The following CNIH3 variants were observed in gnomAD, a reference collection of about 807,000 sequenced individuals.
The protein encoded by CNIH3 is protein cornichon homolog 3.
Under a neutral mutation model 24.1 loss-of-function variants are expected in CNIH3, and 14 were observed. That is an observed-to-expected ratio of 0.58 (90% CI 0.38 to 0.91). The LOEUF (loss-of-function observed/expected upper bound fraction) is 0.91, where lower values mean the gene tolerates loss of function less well. Among genes scored for constraint, CNIH3 ranks in the 40% least tolerant of loss-of-function variants. The probability of loss-of-function intolerance (pLI) is 0.00; values close to 1 mark genes in which losing one functional copy is unlikely to be tolerated. For missense variants in CNIH3, 178 were observed against 196.8 expected (o/e 0.90, Z 0.57); for synonymous variants, 68 against 73.8 (o/e 0.92, Z 0.40).
intron 1 of CNIH3, among the ~76,000 whole-genome samples, chr1:224,519,809 G>A (rs1054202707): frequency 6.6e-6 from 1 of 151,444 alleles, no homozygotes; most frequent in Non-Finnish European, 1.5e-5. Context: ...TGACTAACAC[G>A]GTAGCTACTA....
intron 1 of CNIH3, among the ~76,000 whole-genome samples, chr1:224,639,200 G>A (rs144716652): frequency 1.0e-3 from 156 of 152,330 alleles, no homozygotes; most frequent in African/African-American, 3.7e-3. Flanking sequence ...TCTTCCATAG[G>A]AAATTGGCAG....
intron 1 of CNIH3, among the ~76,000 whole-genome samples, chr1:224,460,140 C>T (rs1390285066): frequency 2.0e-5 from 3 of 152,096 alleles, no homozygotes; most frequent in African/African-American, 4.8e-5. Flanking sequence ...GATCCACCCA[C>T]GTCGGCCTCC....
intron 3 of CNIH3, among the ~76,000 whole-genome samples, chr1:224,697,423 G>C (rs567674014): frequency 2.4e-4 from 37 of 152,220 alleles, no homozygotes; most frequent in Non-Finnish European, 4.7e-4. Context: ...AGGTGGGGAG[G>C]CATTTTCACT....
chr1:224,612,088 T>G (rs74149624), upstream of CNIH3, among the ~76,000 whole-genome samples: 3,256 of 152,324 alleles, frequency 0.021, 104 homozygotes, highest in African/African-American at 0.072. This position sits in a 1 kb window ranked among gnomAD's most constrained non-coding sequence, Gnocchi z 4.7. Flanking sequence ...GATTCCATTT[T>G]TAAATTTGAA....
chr1:224,444,069 G>A (rs1226182322), intron 1 of CNIH3, among the ~76,000 whole-genome samples: 1 of 152,102 alleles, frequency 6.6e-6, no homozygotes, highest in East Asian at 1.9e-4. Context: ...ATCCAGCTAT[G>A]ATAGCTATCA....
chr1:224,646,051 C>A (rs1449113697), intron 1 of CNIH3, among the ~76,000 whole-genome samples: 6 of 152,182 alleles, frequency 3.9e-5, no homozygotes, highest in Non-Finnish European at 8.8e-5. Flanking sequence ...TCAGTCACAG[C>A]AAGCACATAA....
chr1:224,492,795 C>A (rs1208441324), intron 1 of CNIH3, among the ~76,000 whole-genome samples: 2 of 152,160 alleles, frequency 1.3e-5, no homozygotes, highest in African/African-American at 4.8e-5. Flanking sequence ...TGCTCAAAAG[C>A]CTGTGCTCCG....
At chr1:224,568,030 G>A (rs901930792) in intron 4 of CNIH3, among the ~76,000 whole-genome samples, 26 of 151,988 alleles carry the variant, frequency 1.7e-4, no homozygotes, top group Non-Finnish European at 8.8e-5. Flanking sequence ...GGTGGCTCAA[G>A]CCTGTAATCC....
intron 4 of CNIH3, among the ~76,000 whole-genome samples, chr1:224,581,255 G>GT (rs1681262973): frequency 1.3e-5 from 2 of 151,878 alleles, no homozygotes; most frequent in Admixed American, 1.3e-4. Context: ...CGGTTTTGAT[G>GT]GTTTTTTTGG....
At chr1:224,733,811 G>A (rs1244282994) in intron 4 of CNIH3, among the ~76,000 whole-genome samples, 1 of 152,070 alleles carries the variant, frequency 6.6e-6, no homozygotes, top group African/African-American at 2.4e-5. Flanking sequence ...CCAGGTCCCT[G>A]GGGGCAGTGT....
rs769276186 is a variant in CNIH3 at position 224,604,611 on chromosome 1, A to G, written n.402+38347A>G. ...CTGGAGCCAGGGATGGGGCTCCCAG[A>G]CTGTTTAGCTAGAGGAGAGCAGAAG... On this transcript the variant is annotated intron_variant and non_coding_transcript_variant, in intron 3 of 7. Transcript: ENST00000478120. This position sits in a 1 kb window ranked among gnomAD's most constrained non-coding sequence, Gnocchi z 4.4. Among the ~76,000 whole-genome samples, 3 of 152,170 alleles carry G rather than the reference A, an allele frequency of 2.0e-5. No individual in the cohort carries two copies. The highest frequency in any genetic ancestry group is 2.9e-5 in the Non-Finnish European group (2 of 68,030).
At chr1:224,550,137 A>G (rs1202777132) in intron 3 of CNIH3, among the ~76,000 whole-genome samples, 1 of 152,202 alleles carries the variant, frequency 6.6e-6, no homozygotes, top group African/African-American at 2.4e-5. Context: ...TAATATCACA[A>G]TGTACATGTA....
At chr1:224,558,917 A>T (rs1407342746) in intron 3 of CNIH3, among the ~76,000 whole-genome samples, 1 of 152,218 alleles carries the variant, frequency 6.6e-6, no homozygotes, top group East Asian at 1.9e-4. Context: ...GAACTAGTAA[A>T]ATAATTAATA....
At chr1:224,490,046 C>T (rs986966170) in intron 1 of CNIH3, among the ~76,000 whole-genome samples, 1 of 152,130 alleles carries the variant, frequency 6.6e-6, no homozygotes, top group Non-Finnish European at 1.5e-5. Context: ...GACAAGTAAG[C>T]AAGTTACTAT....
At chr1:224,469,515 T>C (rs928172067) in intron 1 of CNIH3, among the ~76,000 whole-genome samples, 6 of 152,220 alleles carry the variant, frequency 3.9e-5, no homozygotes, top group Non-Finnish European at 8.8e-5. Context: ...TTATTATTTA[T>C]TTGTTTTATA....
intron 2 of CNIH3, among the ~76,000 whole-genome samples, chr1:224,681,476 A>G (rs1303815320): frequency 6.6e-6 from 1 of 152,124 alleles, no homozygotes; most frequent in African/African-American, 2.4e-5. Context: ...ATCACCCAGA[A>G]AGCATTCATC....
At chr1:224,519,378 C>T (rs766909575) in intron 1 of CNIH3, among the ~76,000 whole-genome samples, 1 of 152,074 alleles carries the variant, frequency 6.6e-6, no homozygotes, top group Admixed American at 6.6e-5. Context: ...TCCCCTGGTT[C>T]TCAGGCCTTC....
intron 3 of CNIH3, among the ~76,000 whole-genome samples, chr1:224,550,878 G>A (rs1232908664): frequency 3.8e-5 from 4 of 104,436 alleles, no homozygotes; most frequent in South Asian, 2.9e-4. Flanking sequence ...AACAGGCCCC[G>A]GTGTGTGATG....
At chr1:224,736,196 G>A (rs1689582626) in intron 5 of CNIH3, among the ~76,000 whole-genome samples, 1 of 152,128 alleles carries the variant, frequency 6.6e-6, no homozygotes, top group South Asian at 2.1e-4. Flanking sequence ...CAGGATCATA[G>A]CTTGCTGCAA....
Sources: allele counts gnomAD v4.1 joint callset (sites outside exome capture counted in the v4.1 genomes callset), GRCh38; gene constraint gnomAD v4.1.1; non-coding constraint Gnocchi (gnomAD v3.1); transcripts MANE v1.5; gene names NCBI Gene and HGNC (gene_info 2026-07-23, HGNC 2026-07-21).